AUTS2: variants seen among roughly 807,000 people sequenced by gnomAD.
AUTS2 encodes autism susceptibility gene 2 protein.
A neutral mutation model predicts 112.4 loss-of-function variants in AUTS2; 17 were observed. That is an observed-to-expected ratio of 0.15 (90% confidence interval 0.10 to 0.23). AUTS2 has a LOEUF of 0.23. AUTS2 is among the 10% of genes least tolerant of loss of function. AUTS2 has a pLI of 1.00. For synonymous variants in AUTS2, 751 were observed against 702.7 expected (o/e 1.07, Z -1.09); for missense variants, 1,510 against 1,701.6 (o/e 0.89, Z 1.98).
intron 6 of AUTS2, among the ~76,000 whole-genome samples, chr7:70,739,152 G>T (rs1303886215): frequency 6.6e-6 from 1 of 150,742 alleles, no homozygotes; most frequent in Non-Finnish European, 1.5e-5. Flanking sequence ...TCAGCCTCCT[G>T]GTTAGGTGGG....
At chr7:70,412,929 C>T (rs949679229) in intron 4 of AUTS2, among the ~76,000 whole-genome samples, 11 of 152,122 alleles carry the variant, frequency 7.2e-5, no homozygotes, top group African/African-American at 2.7e-4. Context: ...GGTCAGAGGT[C>T]GCAGGAGCCG....
chr7:70,556,739 T>G (rs79989283), intron 5 of AUTS2, among the ~76,000 whole-genome samples: 2,295 of 152,286 alleles, frequency 0.015, 59 homozygotes, highest in African/African-American at 0.052. Flanking sequence ...AACCACCCAG[T>G]TTTCTGTCTC....
chr7:69,962,359 A>G (rs1225175851), intron 2 of AUTS2, among the ~76,000 whole-genome samples: 5 of 152,178 alleles, frequency 3.3e-5, no homozygotes, highest in African/African-American at 1.2e-4. Context: ...TAATACAGGC[A>G]TGATTTCTGC....
chr7:70,014,332 AG>A (rs928256564), intron 2 of AUTS2, among the ~76,000 whole-genome samples: 12 of 152,204 alleles, frequency 7.9e-5, no homozygotes, highest in Admixed American at 2.6e-4. Flanking sequence ...TAAAAAGGAA[AG>A]GCCAAACCAT....
intron 1 of AUTS2, among the ~76,000 whole-genome samples, chr7:69,729,060 A>G (rs1021002056): frequency 6.6e-6 from 1 of 152,108 alleles, no homozygotes; most frequent in African/African-American, 2.4e-5. Flanking sequence ...CTATTTTCTT[A>G]TTCCTAATAG....
At chr7:70,215,532 A>G (rs1811124424) in intron 4 of AUTS2, among the ~76,000 whole-genome samples, 1 of 152,172 alleles carries the variant, frequency 6.6e-6, no homozygotes, top group Non-Finnish European at 1.5e-5. Flanking sequence ...TCTCCGGAGA[A>G]TGTTTTGGAA....
intron 3 of AUTS2, chr7:70,119,865 CT>C: frequency 6.6e-6 from 1 of 152,250 alleles, no homozygotes; most frequent in East Asian, 1.9e-4. Context: ...ACACCATACT[CT>C]AAAGCAGTGT....
At chr7:70,564,054 A>G (rs1801601861) in intron 5 of AUTS2, among the ~76,000 whole-genome samples, 1 of 152,234 alleles carries the variant, frequency 6.6e-6, no homozygotes, top group Admixed American at 6.5e-5. Context: ...ATAAAAAAGT[A>G]AAATCACTAG....
intron 1 of AUTS2, among the ~76,000 whole-genome samples, chr7:69,831,087 A>T (rs150567915): frequency 6.6e-6 from 1 of 152,074 alleles, no homozygotes; most frequent in Non-Finnish European, 1.5e-5. Flanking sequence ...GAAAATAGTT[A>T]ATTTATATAC....
intron 10 of AUTS2, among the ~76,000 whole-genome samples, chr7:70,769,918 A>G (rs1259349851): frequency 1.3e-5 from 2 of 152,208 alleles, no homozygotes; most frequent in East Asian, 3.8e-4. Context: ...TAAGAGGTCA[A>G]TGATGGAATA....
intron 5 of AUTS2, among the ~76,000 whole-genome samples, chr7:70,692,878 G>T (rs2129546604): frequency 6.6e-6 from 1 of 151,892 alleles, no homozygotes; most frequent in Middle Eastern, 3.4e-3. Context: ...AAACCAGTCT[G>T]CATGTCATTC....
At chr7:70,541,905 G>A (rs1286492115) in intron 5 of AUTS2, among the ~76,000 whole-genome samples, 1 of 152,276 alleles carries the variant, frequency 6.6e-6, no homozygotes, top group South Asian at 2.1e-4. Context: ...CAAAAAGCAC[G>A]GTGTCTTCAA....
intron 2 of AUTS2, among the ~76,000 whole-genome samples, chr7:69,997,972 A>G (rs1294520746): frequency 6.6e-6 from 1 of 152,226 alleles, no homozygotes; most frequent in Admixed American, 6.5e-5. Flanking sequence ...ATTGGAAAGC[A>G]GGAGCAATTT....
At chr7:69,680,458 A>T (rs537322924) in intron 1 of AUTS2, among the ~76,000 whole-genome samples, 2 of 152,190 alleles carry the variant, frequency 1.3e-5, no homozygotes, top group East Asian at 3.9e-4. Context: ...GTGTTAAAAA[A>T]ATATTACAAA....
At chr7:69,668,746 C>T (rs1796183061) in intron 1 of AUTS2, among the ~76,000 whole-genome samples, 1 of 152,100 alleles carries the variant, frequency 6.6e-6, no homozygotes, top group South Asian at 2.1e-4. Context: ...TATGTTTAGA[C>T]CAGATGAGGT....
At chr7:69,899,971 G>A (rs369386731) in intron 2 of AUTS2, among the ~76,000 whole-genome samples, 1 of 152,180 alleles carries the variant, frequency 6.6e-6, no homozygotes, top group South Asian at 2.1e-4. Context: ...GCATCTGGGA[G>A]GGCAATGGCA....
intron 5 of AUTS2, among the ~76,000 whole-genome samples, chr7:70,471,366 A>C (rs911797974): frequency 1.1e-4 from 17 of 152,152 alleles, no homozygotes; most frequent in African/African-American, 4.1e-4. Context: ...ATATGGCTCG[A>C]ATCAAATTAA....
intron 4 of AUTS2, among the ~76,000 whole-genome samples, chr7:70,386,654 T>G (rs1308573111): frequency 2.0e-5 from 3 of 152,232 alleles, no homozygotes; most frequent in Non-Finnish European, 2.9e-5. Flanking sequence ...CTAAAAATGT[T>G]TTTTTCTAAT....
intron 5 of AUTS2, among the ~76,000 whole-genome samples, chr7:70,640,782 C>G (rs549261642): frequency 1.3e-5 from 2 of 152,132 alleles, no homozygotes; most frequent in African/African-American, 4.8e-5. Flanking sequence ...TGATGTGGGC[C>G]GTAGCACTGC....
Sources: gnomAD v4.1 joint callset for allele counts (sites outside exome capture counted in the v4.1 genomes callset) on GRCh38, gnomAD v4.1.1 for gene constraint, MANE v1.5 for transcripts, NCBI Gene and HGNC (gene_info 2026-07-23, HGNC 2026-07-21) for gene names.